The following CCDC30 variants were observed in gnomAD, a reference collection of about 807,000 sequenced individuals.
CCDC30 encodes the protein coiled-coil domain-containing protein 30.
In CCDC30, 70 loss-of-function variants were observed where a neutral mutation model predicts 100.2. The observed-to-expected ratio is 0.70, with a 90% CI of 0.58 to 0.85. The LOEUF is 0.85. Among genes scored for constraint, CCDC30 ranks in the 40% least tolerant of loss-of-function variants. CCDC30 has a pLI of 0.00. For missense variants in CCDC30, 652 were observed against 771.2 expected, an observed-to-expected ratio of 0.85 and a Z score of 1.83; for synonymous variants, 233 against 269.5, an observed-to-expected ratio of 0.86 and a Z score of 1.33.
chr1:42,523,587 A>G (rs1338451656), intron 6 of CCDC30, among the ~76,000 whole-genome samples: 1 of 151,910 alleles, frequency 6.6e-6, no homozygotes, highest in East Asian at 1.9e-4. Context: ...AGCCCATCTT[A>G]TTTCAAGTTG....
intron 6 of CCDC30, chr1:42,509,943 C>T (rs1203821906): frequency 1.8e-6 from 1 of 552,316 alleles, no homozygotes; most frequent in Non-Finnish European, 2.3e-6. Context: ...TTCCTCCAAG[C>T]TCAACTCTAA....
intron 7 of CCDC30, among the ~76,000 whole-genome samples, chr1:42,572,900 G>A (rs192510161): frequency 1.4e-3 from 220 of 152,272 alleles, no homozygotes; most frequent in South Asian, 9.5e-3. Context: ...TTACAGGCGT[G>A]AGCCACCGTG....
At chr1:42,472,234 C>T (rs972477966) in intron 1 of CCDC30, among the ~76,000 whole-genome samples, 23 of 152,052 alleles carry the variant, frequency 1.5e-4, no homozygotes, top group African/African-American at 4.8e-4. Context: ...GCCTGGGCAA[C>T]AGAGGTAGAC....
At chr1:42,460,465 T>C, upstream of CCDC30, 38 of 471,554 alleles carry the variant, frequency 8.1e-5, no homozygotes, top group Middle Eastern at 1.1e-3. Context: ...GAAAGAAGGA[T>C]ACCTCCCTGA....
chr1:42,582,652 G>A (rs1337635797), intron 9 of CCDC30, among the ~76,000 whole-genome samples: 1 of 152,160 alleles, frequency 6.6e-6, no homozygotes, highest in Admixed American at 6.5e-5. Context: ...TGGCTTTCTA[G>A]AAAGTCAATA....
chr1:42,484,674 TGTGTTATATGACA>T (rs1286513825), intron 3 of CCDC30, among the ~76,000 whole-genome samples: 1 of 152,194 alleles, frequency 6.6e-6, no homozygotes, highest in Non-Finnish European at 1.5e-5. Flanking sequence ...TAGCTAGGCA[TGTGTTATATGACA>T]GTGTTTCCCA....
chr1:42,456,576 T>C, the CCDC30 span: 60 of 1,484,224 alleles, frequency 4.0e-5, 1 homozygote, highest in South Asian at 6.3e-4. Flanking sequence ...ATGGCGGAAA[T>C]GGATCCGGTA....
chr1:42,635,043 G>A (rs769242130), intron 11 of CCDC30, among the ~76,000 whole-genome samples: 3 of 151,932 alleles, frequency 2.0e-5, no homozygotes, highest in Admixed American at 6.6e-5. Context: ...TGGATATACC[G>A]TATTTGGTTT....
chr1:42,498,842 T>G, exon 6 of CCDC30: 1 of 1,233,906 alleles, frequency 8.1e-7, no homozygotes, highest in Non-Finnish European at 1.0e-6. Context: ...AGGAGAGGTG[T>G]GTGAATCTCA....
chr1:42,474,137 C>A (rs1643850164), intron 1 of CCDC30, among the ~76,000 whole-genome samples: 1 of 152,158 alleles, frequency 6.6e-6, no homozygotes, highest in African/African-American at 2.4e-5. Flanking sequence ...TCTTAAAGGA[C>A]AATCCAATCT....
intron 6 of CCDC30, among the ~76,000 whole-genome samples, chr1:42,557,261 G>C (rs1645388896): frequency 6.6e-6 from 1 of 152,164 alleles, no homozygotes; most frequent in East Asian, 1.9e-4. Context: ...TTGAAAACTA[G>C]ACAAGTCACA....
Position 42,508,907 on chromosome 1 carries a change from G to A in CCDC30, c.456+9991G>A, listed in dbSNP as rs574144313. Among the ~76,000 whole-genome samples, 10 of 152,268 alleles carry A rather than the reference G, an allele frequency of 6.6e-5. No homozygotes were observed. In the South Asian group the frequency reaches 1.5e-3, roughly 22 times the overall value. ...AAAATATACCCTTGCTTGGATATCC[G>A]CTTTTAATCAAACTGAGCACTCTTT... On this transcript the variant is annotated intron_variant, in intron 6 of 16. Transcript: ENST00000668663.
intron 3 of CCDC30, among the ~76,000 whole-genome samples, chr1:42,489,225 G>T (rs1644098428): frequency 6.6e-6 from 1 of 152,184 alleles, no homozygotes; most frequent in Non-Finnish European, 1.5e-5. Flanking sequence ...TTTACTAGTT[G>T]TGTAATGTTG....
chr1:42,635,968 C>A (rs1192656983), intron 11 of CCDC30, among the ~76,000 whole-genome samples: 1 of 152,200 alleles, frequency 6.6e-6, no homozygotes, highest in Non-Finnish European at 1.5e-5. Flanking sequence ...TCATTTTACT[C>A]TAGCCATCCT....
At chr1:42,482,582 T>TTTTTTTTTTTTTTTTTTTTTTTGA (rs1643979842) in intron 2 of CCDC30, 81 bp from the exon 3 acceptor site, 1 of 907,420 alleles carries the variant, frequency 1.1e-6, no homozygotes, top group African/African-American at 1.7e-5. Context: ...TTATTGGCTT[T>TTTTTTTTTTTTTTTTTTTTTTTGA]TAAACATTAA....
intron 6 of CCDC30, among the ~76,000 whole-genome samples, chr1:42,522,316 A>G (rs1053587214): frequency 6.6e-6 from 1 of 151,984 alleles, no homozygotes; most frequent in Non-Finnish European, 1.5e-5. Flanking sequence ...CTGTCTTTTT[A>G]TTGTAGAGTT....
At position 42,639,926 on chromosome 1, in the gene CCDC30, AT is replaced by A. The variant is rs1346333065; in HGVS notation, c.1420-2545del. 2.7e-4 allele frequency among the ~76,000 whole-genome samples: 41 copies of A among 150,770 alleles called. 1 individual carries two copies. Among genetic ancestry groups the A allele is most frequent in the Non-Finnish European group, 4.4e-5 (3 of 67,870 alleles). On this transcript the variant is annotated intron_variant, in intron 12 of 16. Coordinates refer to ENST00000668663, the Ensembl canonical transcript of CCDC30. ...AGTTGCAGTGAGCCAAGATTGCACC[AT>A]TGCACTCCAGCTTAGGTGAAAAGAG...
intron 6 of CCDC30, among the ~76,000 whole-genome samples, chr1:42,503,008 G>A (rs1186629410): frequency 6.6e-6 from 1 of 152,078 alleles, no homozygotes; most frequent in African/African-American, 2.4e-5. Context: ...TCAGCCTCCT[G>A]AGTAGCTAGG....
At chr1:42,458,339 T>G (rs1643298509), upstream of CCDC30, among the ~76,000 whole-genome samples, 1 of 152,160 alleles carries the variant, frequency 6.6e-6, no homozygotes, top group African/African-American at 2.4e-5. Context: ...TAGGTGTGGT[T>G]GTGATTTTAG....
Sources: gnomAD v4.1 joint callset for allele counts (sites outside exome capture counted in the v4.1 genomes callset) on GRCh38, gnomAD v4.1.1 for gene constraint, MANE v1.5 for transcripts, NCBI Gene and HGNC (gene_info 2026-07-23, HGNC 2026-07-21) for gene names.